Variants in CTTNBP2 observed in about 807,000 individuals in gnomAD.
CTTNBP2 encodes the protein cortactin-binding protein 2.
CTTNBP2 carries 108 observed loss-of-function variants against 156.9 expected under a neutral mutation model. The ratio of observed to expected loss-of-function variants is 0.69; its 90% confidence interval spans 0.59 to 0.81. The LOEUF (loss-of-function observed/expected upper bound fraction) is 0.81. Ranked by LOEUF, CTTNBP2 falls within the 30% of genes least tolerant of loss-of-function variation. The pLI is 0.00. For missense variants in CTTNBP2, 1,924 were observed against 2,035.4 expected (o/e 0.95, Z 1.05); for synonymous variants, 767 against 751.8 (o/e 1.02, Z -0.33).
chr7:117,855,297 G>C (rs1803223032), intron 2 of CTTNBP2, among the ~76,000 whole-genome samples: 1 of 151,934 alleles, frequency 6.6e-6, no homozygotes, highest in African/African-American at 2.4e-5. Context: ...ATTTTTAGTA[G>C]AGACAGAGTT....
At position 117,746,091 on chromosome 7, in the gene CTTNBP2, T is replaced by C. The variant is rs1796315539; in HGVS notation, c.3357A>G (p.Gln1119=). 1 of 1,613,142 alleles carries C rather than the reference T, an allele frequency of 6.2e-7. No homozygotes were observed. Among genetic ancestry groups the C allele is most frequent in the East Asian group, 2.2e-5 (1 of 44,860 alleles). Residue 1119 remains glutamine, a synonymous_variant, in exon 13 of 23, where the codon CAA becomes CAG. Coordinates refer to ENST00000160373, the MANE Select transcript of CTTNBP2 (RefSeq NM_033427.3). ...MMQNYLRLVE[Q]YHNVIFHGPE... is the part of the protein sequence containing the mutation. ...GGCCGTGGAAAATGACATTATGATA[T>C]TGCTCAACCTATTAACAAACCAAGT...
In CTTNBP2 at chr7:117,839,745, G is replaced by A. The variant is rs373255179; in HGVS notation, c.189+21464C>T. Among the ~76,000 whole-genome samples, 143 of 152,222 alleles carry A rather than the reference G, an allele frequency of 9.4e-4. 1 individual carries two copies. Among genetic ancestry groups the A allele is most frequent in the African/African-American group, 3.3e-3 (138 of 41,542 alleles). ...GGTCCTGACCAGCTTTCAGAACTCTGCACACATTGTACCACCTCCCTACTT... is the reference window on the plus strand; with the variant it reads ...GGTCCTGACCAGCTTTCAGAACTCTACACACATTGTACCACCTCCCTACTT... On this transcript the variant is annotated intron_variant, in intron 2 of 22. Transcript: ENST00000160373.
intron 2 of CTTNBP2, among the ~76,000 whole-genome samples, chr7:117,845,946 G>A (rs35150481): frequency 0.23 from 35,243 of 151,906 alleles, 4,220 homozygotes; most frequent in South Asian, 0.37. Flanking sequence ...CGCTTCCCGG[G>A]TTCAAGCCAT....
At chr7:117,718,213 G>C (rs1584883925) in intron 21 of CTTNBP2, 94 bp from the exon 22 acceptor site, 1 of 744,350 alleles carries the variant, frequency 1.3e-6, no homozygotes, top group African/African-American at 1.7e-5. Flanking sequence ...CAGCAGAAGT[G>C]TTACTCTTAT....
intron 2 of CTTNBP2, among the ~76,000 whole-genome samples, chr7:117,858,882 T>C: frequency 6.6e-6 from 1 of 152,072 alleles, no homozygotes; most frequent in Non-Finnish European, 1.5e-5. Flanking sequence ...TTTCAGAAAA[T>C]CACCTCACCC....
chr7:117,711,271 CTA>C lies in CTTNBP2; in HGVS notation c.*264_*265del. On this transcript the variant is annotated 3_prime_UTR_variant, in exon 23 of 23. Coordinates refer to ENST00000160373, the MANE Select transcript of CTTNBP2 (RefSeq NM_033427.3). Reference sequence around the variant, plus strand: ...ATACCCCTGAACATCTTGATTAAAACTATTACAATTTTTCTATTATAAAACTA... The same window carrying C: ...ATACCCCTGAACATCTTGATTAAAACTTACAATTTTTCTATTATAAAACTA... 1 of 359,690 alleles carries C rather than the reference CTA, an allele frequency of 2.8e-6. No individual in the cohort carries two copies. The highest frequency in any genetic ancestry group is 5.1e-6 in the Non-Finnish European group (1 of 196,716). 22.3% of individuals were successfully genotyped at this position (359,690 alleles called of 1,614,324 possible).
chr7:117,778,239 C>G (rs1798210841), intron 7 of CTTNBP2, among the ~76,000 whole-genome samples: 1 of 151,930 alleles, frequency 6.6e-6, no homozygotes, highest in Admixed American at 6.6e-5. Context: ...GCCAACCACC[C>G]CAGAAGCAAA....
Position 117,725,206 on chromosome 7 carries a change from T to C in CTTNBP2, c.4107A>G (p.Ala1369=), listed in dbSNP as rs758140869. 1.2e-6 allele frequency: 2 copies of C among 1,614,124 alleles called. No individual in the cohort carries two copies. The highest frequency in any genetic ancestry group is 1.7e-6 in the Non-Finnish European group (2 of 1,180,020). ...NGVIAPRVQE[A]ILSRASVKRQ... ...TTTTCACAGAGGCTCTTGACAATAT[T>C]GCTTCTTGAACTCTGGGTGCGATGA... Residue 1369 remains alanine (A), a synonymous_variant, in exon 18 of 23, where the codon GCA becomes GCG. Coordinates refer to ENST00000160373, the MANE Select transcript of CTTNBP2 (RefSeq NM_033427.3).
chr7:117,723,086 A>G lies in CTTNBP2; in HGVS notation c.4447+1461T>C, dbSNP rs200713640. On this transcript the variant is annotated intron_variant, in intron 19 of 22. Coordinates refer to ENST00000160373, the MANE Select transcript of CTTNBP2 (RefSeq NM_033427.3). ...GGAGTCTAGTGATTCTTACTCCCTA[A>G]ATCAAACACTCTGACAACTCTGGGA... 1.9e-3 allele frequency among the ~76,000 whole-genome samples: 291 copies of G among 152,282 alleles called. 2 individuals are homozygous for G. The highest frequency in any genetic ancestry group is 3.5e-3 in the Non-Finnish European group (236 of 68,010).
chr7:117,866,518 C>A (rs1478180030), intron 1 of CTTNBP2, among the ~76,000 whole-genome samples: 1 of 152,156 alleles, frequency 6.6e-6, no homozygotes, highest in African/African-American at 2.4e-5. Flanking sequence ...AATTTAAAAT[C>A]CAGCAGGTTG....
intron 5 of CTTNBP2, among the ~76,000 whole-genome samples, 199 bp from the exon 6 acceptor site, chr7:117,783,160 AC>A: frequency 6.6e-6 from 1 of 151,572 alleles, no homozygotes; most frequent in East Asian, 1.9e-4. Flanking sequence ...AGATTATAAT[AC>A]CCCAGATTCA....
intron 3 of CTTNBP2, among the ~76,000 whole-genome samples, chr7:117,805,938 T>C (rs1767664641): frequency 1.3e-5 from 2 of 152,230 alleles, no homozygotes; most frequent in Admixed American, 6.5e-5. Context: ...CTTATTTGAT[T>C]GTAGGACTAC....
intron 2 of CTTNBP2, among the ~76,000 whole-genome samples, chr7:117,822,942 T>C (rs1801055487): frequency 6.6e-6 from 1 of 152,354 alleles, no homozygotes; most frequent in Non-Finnish European, 1.5e-5. Flanking sequence ...TAAAAGCTAC[T>C]ATGATTATGA....
intron 12 of CTTNBP2, among the ~76,000 whole-genome samples, chr7:117,748,353 C>T (rs1176776319): frequency 6.6e-6 from 1 of 152,114 alleles, no homozygotes; most frequent in African/African-American, 2.4e-5. Context: ...TTTTGATATG[C>T]ATAGTCATAA....
At position 117,792,243 on chromosome 7, in the gene CTTNBP2, T is replaced by C. The variant is rs1799072104; in HGVS notation, c.953A>G (p.His318Arg). The C allele has an allele frequency of 8.7e-6, 14 of 1,614,118 alleles. No homozygotes were observed. Among genetic ancestry groups the C allele is most frequent in the African/African-American group, 1.3e-5 (1 of 74,940 alleles). Residue 318 changes from histidine (H) to arginine (R), a missense_variant, in exon 4 of 23, where the codon CAC (histidine) becomes CGC (arginine). Physicochemically the swap from His to Arg is conservative, Grantham distance 29. Transcript: ENST00000160373. This position sits in a 1 kb window ranked among gnomAD's most constrained non-coding sequence, Gnocchi z 4.2. ...CATGGTTAAAGGCAACTTTTTCATG[T>C]GGTCAGCATTTTCTGTCACTAGGTC... ...QTDLVTENAD[H>R]MKKLPLTMPV...
chr7:117,724,242 A>G (rs1331031038), intron 19 of CTTNBP2, among the ~76,000 whole-genome samples: 1 of 152,188 alleles, frequency 6.6e-6, no homozygotes, highest in African/African-American at 2.4e-5. Flanking sequence ...TTATTATGTA[A>G]TAATGCAATG....
intron 2 of CTTNBP2, among the ~76,000 whole-genome samples, chr7:117,856,789 C>A (rs1199938709): frequency 6.6e-6 from 1 of 152,152 alleles, no homozygotes; most frequent in East Asian, 1.9e-4. Flanking sequence ...CTAATGATGG[C>A]AGGCTGGGCA....
At chr7:117,852,879 G>A (rs1803022301) in intron 2 of CTTNBP2, among the ~76,000 whole-genome samples, 1 of 152,118 alleles carries the variant, frequency 6.6e-6, no homozygotes, top group African/African-American at 2.4e-5. Flanking sequence ...AAAATGCTTA[G>A]TTTCATTAAT....
chr7:117,726,041 C>T (rs1187281500), intron 17 of CTTNBP2, among the ~76,000 whole-genome samples: 1 of 152,110 alleles, frequency 6.6e-6, no homozygotes. Flanking sequence ...GGCAAGGGTG[C>T]GTGTGGGTGG....
Sources: gnomAD v4.1 joint callset for allele counts (sites outside exome capture counted in the v4.1 genomes callset) on GRCh38, gnomAD v4.1.1 for gene constraint, Gnocchi (gnomAD v3.1) non-coding constraint, MANE v1.5 for transcripts, NCBI Gene and HGNC (gene_info 2026-07-23, HGNC 2026-07-21) for gene names.